PCID2: variants seen among roughly 807,000 people sequenced by gnomAD.
PCID2 encodes PCI domain-containing protein 2.
A neutral mutation model predicts 61.3 loss-of-function variants in PCID2; 41 were observed. That is an observed-to-expected ratio of 0.67 (90% CI 0.52 to 0.87). The LOEUF (loss-of-function observed/expected upper bound fraction) is 0.87, where lower values mean the gene tolerates loss of function less well. Ranked by LOEUF, PCID2 falls within the 40% of genes least tolerant of loss-of-function variation. The pLI is 0.00. For synonymous variants in PCID2, 187 were observed against 177.8 expected (o/e 1.05, Z -0.41); for missense variants, 392 against 493.4 (o/e 0.79, Z 1.95).
chr13:113,184,386 G>A lies in PCID2; in HGVS notation c.645C>T (p.Tyr215=), dbSNP rs769439509. Residue 215 remains tyrosine, a synonymous_variant, in exon 9 of 14, where the codon TAC becomes TAT. Coordinates refer to ENST00000337344, the MANE Select transcript of PCID2 (RefSeq NM_001127202.4). The part of the protein sequence containing the change: ...STAQRVTYKY[Y]VGRKAMFDSD... Reference sequence around the variant, plus strand: ...TGTCAAACATAGCCTTGCGTCCAACGTAGTATTTGTATGTTACTCTCTGTG... The same window carrying A: ...TGTCAAACATAGCCTTGCGTCCAACATAGTATTTGTATGTTACTCTCTGTG... The A allele has an allele frequency of 1.2e-5, 20 of 1,612,618 alleles. No individual in the cohort carries two copies. The highest frequency in any genetic ancestry group is 1.2e-4 in the Admixed American group (7 of 60,014).
chr13:113,181,276 T>G, intron 9 of PCID2, 46 bp from the exon 10 acceptor site: 1 of 1,157,626 alleles, frequency 8.6e-7, no homozygotes, highest in Non-Finnish European at 1.3e-6. Flanking sequence ...ACGCACCTGC[T>G]TCAGGCCCCT....
Position 113,181,111 on chromosome 13 carries a change from T to C in PCID2, c.786+19A>G, listed in dbSNP as rs1566943274. On this transcript the variant is annotated intron_variant, in intron 10 of 13. Coordinates refer to ENST00000337344, the MANE Select transcript of PCID2 (RefSeq NM_001127202.4). ...GTGAAAGCACCAGGATCTATAAACA[T>C]GGAGTAATAATCACTCACCAATAGC... The C allele has an allele frequency of 5.4e-6, 8 of 1,477,226 alleles. No individual in the cohort carries two copies. The highest frequency in any genetic ancestry group is 1.7e-5 in the Admixed American group (1 of 59,876). The allele number at this position is 1,477,226 out of a possible 1,614,324, so 91.5% of individuals were successfully genotyped here.
intron 7 of PCID2, among the ~76,000 whole-genome samples, chr13:113,189,037 G>C (rs2038371327): frequency 1.3e-5 from 2 of 152,004 alleles, no homozygotes; most frequent in Non-Finnish European, 1.5e-5. Context: ...TTGGGTCATG[G>C]GGGTGGACCC....
At chr13:113,205,385 G>T (rs565068226) in intron 1 of PCID2, among the ~76,000 whole-genome samples, 3 of 152,352 alleles carry the variant, frequency 2.0e-5, no homozygotes, top group South Asian at 4.1e-4. Context: ...GCATTGACAA[G>T]AAAGTGAAGA....
In PCID2 at chr13:113,177,692, T is replaced by G. The variant is rs2037237231; in HGVS notation, c.*506A>C. On this transcript the variant is annotated 3_prime_UTR_variant, in exon 14 of 14. Transcript: ENST00000337344. ...ATCCATACAGGCAAGCTATAAAATC[T>G]GGAAAATTTAAATCAAATTAAATTC... 1 of 152,280 alleles carries G rather than the reference T, an allele frequency of 6.6e-6. No individual in the cohort carries two copies. The highest frequency in any genetic ancestry group is 2.1e-4 in the South Asian group (1 of 4,832). 9.4% of individuals were successfully genotyped at this position (152,280 alleles called of 1,614,324 possible).
the PCID2 span, chr13:113,166,101 T>G: frequency 6.6e-6 from 1 of 152,288 alleles, no homozygotes; most frequent in Non-Finnish European, 1.5e-5. Context: ...CTTTCAGGCC[T>G]CTAACACAAT....
At chr13:113,196,273 C>T (rs371581905) in intron 4 of PCID2, 51 bp from the exon 5 acceptor site, 14 of 1,327,754 alleles carry the variant, frequency 1.1e-5, no homozygotes, top group African/African-American at 8.6e-5. Flanking sequence ...ATGCTACGTA[C>T]GATAAAAGTA....
the PCID2 span, chr13:113,172,218 C>T: frequency 2.0e-5 from 28 of 1,431,062 alleles, no homozygotes; most frequent in Non-Finnish European, 2.6e-5. Context: ...CCGTCACAGC[C>T]CCAGACCACC....
intron 7 of PCID2, chr13:113,188,087 C>T (rs2038282450): frequency 6.6e-6 from 1 of 152,238 alleles, no homozygotes; most frequent in Admixed American, 6.5e-5. Flanking sequence ...AAGAAATGTA[C>T]AGTCTGCTAT....
chr13:113,181,012 C>T (rs557902392), intron 10 of PCID2, 118 bp downstream of exon 10: 1 of 693,812 alleles, frequency 1.4e-6, no homozygotes, highest in Non-Finnish European at 2.6e-6. Flanking sequence ...GGGGTGTGCT[C>T]ATACACAGCT....
chr13:113,171,196 T>C, the PCID2 span, among the ~76,000 whole-genome samples: 2 of 152,200 alleles, frequency 1.3e-5, no homozygotes, highest in African/African-American at 4.8e-5. The surrounding 1 kb of genome is among the most constrained non-coding windows in gnomAD (Gnocchi z 5.1). Flanking sequence ...GCGCTGGGAT[T>C]ACAGATGTGA....
At chr13:113,202,917 T>C (rs889461353) in intron 1 of PCID2, among the ~76,000 whole-genome samples, 1 of 152,216 alleles carries the variant, frequency 6.6e-6, no homozygotes, top group Non-Finnish European at 1.5e-5. Flanking sequence ...CATACCTATA[T>C]GAGTAACCTT....
intron 6 of PCID2, among the ~76,000 whole-genome samples, chr13:113,194,249 G>A (rs2038837710): frequency 6.6e-6 from 1 of 152,234 alleles, no homozygotes; most frequent in Non-Finnish European, 1.5e-5. Flanking sequence ...GAGTGAGGCA[G>A]TGACGGTCAG....
chr13:113,172,226 A>C, the PCID2 span: 1 of 1,399,738 alleles, frequency 7.1e-7, no homozygotes, highest in South Asian at 1.2e-5. Context: ...GCCCCAGACC[A>C]CCCGCTTGGC....
chr13:113,171,570 A>C, the PCID2 span: 8 of 1,613,852 alleles, frequency 5.0e-6, no homozygotes, highest in Non-Finnish European at 5.9e-6. The surrounding 1 kb of genome is among the most constrained non-coding windows in gnomAD (Gnocchi z 5.1). Context: ...ACTGTAAAGA[A>C]CTGACGATTG....
At chr13:113,172,267 G>A in the PCID2 span, 2 of 946,194 alleles carry the variant, frequency 2.1e-6, no homozygotes, top group African/African-American at 3.3e-5. Context: ...CGTTTGCTGG[G>A]TTGTTTACCG....
chr13:113,187,234 G>A (rs1184353601), intron 7 of PCID2: 2 of 152,206 alleles, frequency 1.3e-5, no homozygotes, highest in African/African-American at 4.8e-5. Flanking sequence ...ATCGTAGCTG[G>A]TCTGGCACCA....
intron 7 of PCID2, 54 bp downstream of exon 7, chr13:113,190,818 C>CA: frequency 9.7e-7 from 1 of 1,032,978 alleles, no homozygotes; most frequent in East Asian, 2.5e-5. Context: ...GTGAACGCTG[C>CA]AATGAAAACA....
At chr13:113,194,425 C>T (rs1203037235) in intron 6 of PCID2, among the ~76,000 whole-genome samples, 2 of 152,158 alleles carry the variant, frequency 1.3e-5, no homozygotes, top group Non-Finnish European at 2.9e-5. Context: ...CTCTGAGCCC[C>T]ATCCCCCTCT....
Sources: allele counts gnomAD v4.1 joint callset (sites outside exome capture counted in the v4.1 genomes callset), GRCh38; gene constraint gnomAD v4.1.1; non-coding constraint Gnocchi (gnomAD v3.1); transcripts MANE v1.5; gene names NCBI Gene and HGNC (gene_info 2026-07-23, HGNC 2026-07-21).